TENM3: variants seen among roughly 807,000 people sequenced by gnomAD.
TENM3 encodes the protein teneurin-3.
A neutral mutation model predicts 255.1 loss-of-function variants in TENM3; 63 were observed. That is an observed-to-expected ratio of 0.25 (90% CI 0.20 to 0.30). The LOEUF (loss-of-function observed/expected upper bound fraction) is 0.30. Among genes scored for constraint, TENM3 ranks in the 10% least tolerant of loss-of-function variants. The pLI is 1.00. For synonymous variants in TENM3, 1,306 were observed against 1,322.3 expected, an observed-to-expected ratio of 0.99 and a Z score of 0.27; for missense variants, 2,929 against 3,461.1, an observed-to-expected ratio of 0.85 and a Z score of 3.86.
the TENM3 span, among the ~76,000 whole-genome samples, chr4:181,546,588 C>A: frequency 4.2e-5 from 6 of 141,334 alleles, no homozygotes; most frequent in Non-Finnish European, 6.2e-5. Flanking sequence ...GTGGCGGACG[C>A]CTGTAGTCCC....
intron 3 of TENM3, among the ~76,000 whole-genome samples, chr4:182,449,467 AT>A (rs11308423): frequency 0.96 from 146,000 of 151,616 alleles, 70,504 homozygotes; most frequent in South Asian, 1. Flanking sequence ...AATTAGATGG[AT>A]TTTTTTTTTA....
At chr4:181,518,887 G>A in the TENM3 span, among the ~76,000 whole-genome samples, 18 of 152,122 alleles carry the variant, frequency 1.2e-4, no homozygotes, top group African/African-American at 3.6e-4. Context: ...TACCAGTTAC[G>A]TAACAAAGCA....
chr4:182,093,815 G>A, the TENM3 span, among the ~76,000 whole-genome samples: 2 of 152,084 alleles, frequency 1.3e-5, no homozygotes, highest in African/African-American at 2.4e-5. Context: ...CGGCACTGTA[G>A]ACACAATGTC....
rs543581920 is a variant in TENM3, at chr4:182,485,778, C to G, written c.512-115146C>G. ...CCATGTGAGCTGTTGGGATCCAATG[C>G]TGAGAAAGACAGCATCCCTGTTCTC... On this transcript the variant is annotated intron_variant, in intron 3 of 27. Transcript: ENST00000511685. Among the ~76,000 whole-genome samples the G allele has an allele frequency of 3.9e-5, 6 of 152,236 alleles. No individual in the cohort carries two copies. The East Asian group carries it at 1.2e-3, about 29-fold the overall frequency.
intron 24 of TENM3, 137 bp from the exon 25 acceptor site, chr4:182,788,956 C>T: frequency 1.4e-6 from 1 of 703,586 alleles, no homozygotes; most frequent in Non-Finnish European, 2.3e-6. Context: ...TACTGCCTTG[C>T]ACTTGTACCC....
chr4:182,375,791 G>A (rs1307415806), intron 3 of TENM3, among the ~76,000 whole-genome samples: 2 of 152,128 alleles, frequency 1.3e-5, no homozygotes, highest in Non-Finnish European at 2.9e-5. Context: ...TGATCCACCT[G>A]CCTCAGCCTC....
At chr4:181,814,585 T>C in the TENM3 span, among the ~76,000 whole-genome samples, 1 of 124,258 alleles carries the variant, frequency 8.0e-6, no homozygotes, top group African/African-American at 3.3e-5. Context: ...TATTTTTAAA[T>C]GCGTGTGTGT....
At position 182,405,158 on chromosome 4, in the gene TENM3, A is replaced by G. The variant is rs553984809; in HGVS notation, c.511+58229A>G. On this transcript the variant is annotated intron_variant, in intron 3 of 27. Transcript: ENST00000511685. ...TACTCCCAGCCAAAAGGCTTCATGG[A>G]CTTCCATTTCCCTAGAACGTCCAGC... is the stretch of plus-strand genomic sequence containing the variant. 2.6e-5 allele frequency among the ~76,000 whole-genome samples: 4 copies of G among 152,264 alleles called. No individual in the cohort carries two copies. In the South Asian group the frequency reaches 6.2e-4, roughly 24 times the overall value.
chr4:182,411,377 C>T (rs1486766685), intron 3 of TENM3, among the ~76,000 whole-genome samples: 4 of 152,188 alleles, frequency 2.6e-5, no homozygotes, highest in Admixed American at 2.0e-4. Context: ...ATTAAATGCC[C>T]TCACTATCCC....
chr4:182,213,780 A>AC (rs1755214711), intron 1 of TENM3, among the ~76,000 whole-genome samples: 1 of 152,158 alleles, frequency 6.6e-6, no homozygotes, highest in African/African-American at 2.4e-5. Context: ...TAGAGATAAG[A>AC]GATGCAGCTT....
chr4:181,878,700 C>T, the TENM3 span, among the ~76,000 whole-genome samples: 1 of 152,032 alleles, frequency 6.6e-6, no homozygotes, highest in Non-Finnish European at 1.5e-5. Flanking sequence ...TTCCGTCTGT[C>T]TATATACCTA....
rs374936913 is a variant in TENM3 at position 182,150,448 on chromosome 4, A to G, written c.-76+5694A>G. ...TCACTTTTAAATATATGTATTTTCA[A>G]TCCCTGCAGGAGAACCAGAGTATCA... On this transcript the variant is annotated intron_variant, in intron 1 of 2. Coordinates refer to the TENM3 transcript ENST00000512480. 3.3e-5 allele frequency among the ~76,000 whole-genome samples: 5 copies of G among 152,206 alleles called. No homozygotes were observed. The East Asian group carries it at 7.7e-4, about 24-fold the overall frequency.
At chr4:182,386,416 C>T (rs1164677120) in intron 3 of TENM3, among the ~76,000 whole-genome samples, 1 of 152,232 alleles carries the variant, frequency 6.6e-6, no homozygotes, top group East Asian at 1.9e-4. Context: ...TCAGAACCCT[C>T]GCTTGCTCTC....
the TENM3 span, among the ~76,000 whole-genome samples, chr4:182,136,299 C>T: frequency 2.6e-5 from 4 of 152,136 alleles, no homozygotes; most frequent in East Asian, 5.8e-4. Context: ...ATTCTTGCCC[C>T]GTCACTTGCC....
intron 1 of TENM3, among the ~76,000 whole-genome samples, chr4:182,174,942 A>G (rs1752361486): frequency 1.1e-5 from 1 of 91,792 alleles, no homozygotes; most frequent in South Asian, 3.2e-4. Context: ...TCATTATTTC[A>G]ACTGAAATAT....
At chr4:182,193,312 T>A (rs1753636073) in intron 1 of TENM3, among the ~76,000 whole-genome samples, 1 of 152,216 alleles carries the variant, frequency 6.6e-6, no homozygotes. Context: ...CAGCCTCTCC[T>A]TTGCCCGTTA....
In TENM3 at chr4:182,731,893, C is replaced by T. The variant is rs917459360; in HGVS notation, c.2967+754C>T. On this transcript the variant is annotated intron_variant, in intron 16 of 27. Coordinates refer to ENST00000511685, the MANE Select transcript of TENM3 (RefSeq NM_001080477.4). ...ACCTCCCGGGTTCACGCCATTCTCC[C>T]GCCTCAGACTCCTGAGTAGCTGAGA... 2.8e-3 allele frequency among the ~76,000 whole-genome samples: 428 copies of T among 151,896 alleles called. 2 individuals are homozygous for T. The highest frequency in any genetic ancestry group is 6.8e-3 in the Middle Eastern group (2 of 294).
At position 182,704,822 on chromosome 4, in the gene TENM3, C is replaced by CTT. The variant is rs201275276; in HGVS notation, c.2222-9246_2222-9245dup. Among the ~76,000 whole-genome samples the CTT allele has an allele frequency of 1.5e-4, 18 of 124,130 alleles. 1 individual carries two copies. Among genetic ancestry groups the CTT allele is most frequent in the East Asian group, 2.5e-4 (1 of 4,064 alleles). 81.4% of individuals were successfully genotyped at this position (124,130 alleles called of 152,430 possible). The stretch of plus-strand genomic sequence containing the variant: ...GTGTGCACACATGCATACACACAAA[C>CTT]TTTTTTTTTTTTTTTTTTTTGCTGA... On this transcript the variant is annotated intron_variant, in intron 12 of 27. Transcript: ENST00000511685.
chr4:181,651,495 A>T, the TENM3 span, among the ~76,000 whole-genome samples: 1 of 151,992 alleles, frequency 6.6e-6, no homozygotes, highest in East Asian at 1.9e-4. Flanking sequence ...AGCTGAGGCA[A>T]GAGAATCACT....
Sources: gnomAD v4.1 joint callset for allele counts (sites outside exome capture counted in the v4.1 genomes callset) on GRCh38, gnomAD v4.1.1 for gene constraint, MANE v1.5 for transcripts, NCBI Gene and HGNC (gene_info 2026-07-23, HGNC 2026-07-21) for gene names.